PPARGC1A: variants seen among roughly 807,000 people sequenced by gnomAD.
The protein encoded by PPARGC1A is PPARG coactivator 1 alpha.
Under a neutral mutation model 88.7 loss-of-function variants are expected in PPARGC1A, and 25 were observed. The observed-to-expected ratio is 0.28, with a 90% CI of 0.21 to 0.39. The LOEUF (loss-of-function observed/expected upper bound fraction) is 0.39, where lower values mean the gene tolerates loss of function less well. Ranked by LOEUF, PPARGC1A falls within the 10% of genes least tolerant of loss-of-function variation. The pLI, the probability that PPARGC1A is intolerant of heterozygous loss-of-function variation, is 1.00. For synonymous variants in PPARGC1A, 363 were observed against 355.6 expected (o/e 1.02, Z -0.24); for missense variants, 880 against 968.7 (o/e 0.91, Z 1.22).
the PPARGC1A span, among the ~76,000 whole-genome samples, chr4:24,060,575 T>C: frequency 6.6e-6 from 1 of 152,212 alleles, no homozygotes; most frequent in African/African-American, 2.4e-5. Flanking sequence ...ACCCAAGCCT[T>C]GCATTTTAAT....
At chr4:24,133,028 T>C in the PPARGC1A span, among the ~76,000 whole-genome samples, 1 of 152,250 alleles carries the variant, frequency 6.6e-6, no homozygotes, top group East Asian at 1.9e-4. Context: ...CTTTTTGGTC[T>C]AAAAGCAAGA....
chr4:24,217,935 T>C, the PPARGC1A span, among the ~76,000 whole-genome samples: 2 of 152,354 alleles, frequency 1.3e-5, no homozygotes, highest in Admixed American at 6.5e-5. Flanking sequence ...CTAATGTTTC[T>C]ATAAGAAACA....
the PPARGC1A span, chr4:24,091,636 C>A: frequency 1.0e-6 from 1 of 985,302 alleles, no homozygotes; most frequent in Non-Finnish European, 1.2e-6. Context: ...CAGGGGCAGA[C>A]TGTCATGGAG....
chr4:23,873,221 A>AAAAAAAAAAAAAAAAAAAG (rs1297257881), intron 2 of PPARGC1A, among the ~76,000 whole-genome samples: 1 of 142,336 alleles, frequency 7.0e-6, no homozygotes, highest in African/African-American at 2.7e-5. Flanking sequence ...AAAAAATAAA[A>AAAAAAAAAAAAAAAAAAAG]AATAAAGAAA....
At chr4:24,013,293 C>T in the PPARGC1A span, among the ~76,000 whole-genome samples, 17 of 152,144 alleles carry the variant, frequency 1.1e-4, no homozygotes, top group Non-Finnish European at 2.1e-4. Context: ...CCAAGTTCAA[C>T]GTTTGCTAAA....
the PPARGC1A span, among the ~76,000 whole-genome samples, chr4:24,276,523 C>T: frequency 6.6e-6 from 1 of 152,128 alleles, no homozygotes; most frequent in South Asian, 2.1e-4. Context: ...AATACCTTCC[C>T]CAGGTTATTC....
chr4:24,204,555 T>C, the PPARGC1A span, among the ~76,000 whole-genome samples: 1 of 152,028 alleles, frequency 6.6e-6, no homozygotes. Context: ...ATAGTAATTC[T>C]CCTGGAAACT....
chr4:24,167,502 A>G, the PPARGC1A span, among the ~76,000 whole-genome samples: 1 of 152,208 alleles, frequency 6.6e-6, no homozygotes, highest in Non-Finnish European at 1.5e-5. Context: ...TATTGTGTGT[A>G]AAATGTTATC....
intron 2 of PPARGC1A, among the ~76,000 whole-genome samples, chr4:23,863,328 A>T (rs1199843271): frequency 6.6e-6 from 1 of 152,138 alleles, no homozygotes; most frequent in Non-Finnish European, 1.5e-5. Context: ...CTGGTGTCTA[A>T]CAAACCCCAT....
chr4:23,803,965 C>T (rs1286614608), intron 10 of PPARGC1A, among the ~76,000 whole-genome samples: 2 of 152,342 alleles, frequency 1.3e-5, no homozygotes, highest in East Asian at 3.9e-4. Context: ...ACCCGACAAG[C>T]ATTTGTGAAA....
At chr4:23,936,433 A>C in the PPARGC1A span, among the ~76,000 whole-genome samples, 2 of 152,280 alleles carry the variant, frequency 1.3e-5, no homozygotes, top group Middle Eastern at 6.8e-3. Flanking sequence ...AAAGCAGCAG[A>C]GGGAGTCAAG....
chr4:23,928,284 G>A, the PPARGC1A span, among the ~76,000 whole-genome samples: 1 of 152,102 alleles, frequency 6.6e-6, no homozygotes, highest in African/African-American at 2.4e-5. Flanking sequence ...TATATCCTAG[G>A]CTTCTAGGCT....
chr4:23,991,359 T>C, the PPARGC1A span, among the ~76,000 whole-genome samples: 1 of 152,080 alleles, frequency 6.6e-6, no homozygotes, highest in Non-Finnish European at 1.5e-5. Context: ...AAACAATTGA[T>C]TAATCTAGAA....
chr4:24,147,249 T>A, the PPARGC1A span, among the ~76,000 whole-genome samples: 1 of 152,168 alleles, frequency 6.6e-6, no homozygotes, highest in Non-Finnish European at 1.5e-5. Context: ...AATTGTCACA[T>A]AGGCCCTTGG....
chr4:23,963,663 A>G, the PPARGC1A span, among the ~76,000 whole-genome samples: 1 of 152,180 alleles, frequency 6.6e-6, no homozygotes, highest in Non-Finnish European at 1.5e-5. Context: ...GAGAGAAGTC[A>G]GTATGTTTCC....
the PPARGC1A span, among the ~76,000 whole-genome samples, chr4:24,285,784 A>G: frequency 2.0e-5 from 3 of 152,156 alleles, no homozygotes; most frequent in Non-Finnish European, 4.4e-5. Context: ...TGGGTGTACA[A>G]ACTTTTCTCC....
chr4:24,065,333 C>G, the PPARGC1A span, among the ~76,000 whole-genome samples: 34,166 of 151,798 alleles, frequency 0.23, 4,128 homozygotes, highest in African/African-American at 0.25. Context: ...GAACTACATC[C>G]TGTCCTTCAC....
the PPARGC1A span, among the ~76,000 whole-genome samples, chr4:23,958,494 T>C: frequency 6.6e-6 from 1 of 152,154 alleles, no homozygotes; most frequent in Non-Finnish European, 1.5e-5. Flanking sequence ...TTTCTAAAAC[T>C]CTGCTTTATT....
chr4:24,244,808 A>G, the PPARGC1A span, among the ~76,000 whole-genome samples: 2 of 152,218 alleles, frequency 1.3e-5, no homozygotes, highest in African/African-American at 4.8e-5. Context: ...AAACATTAAT[A>G]GAACCGTAGT....
Sources: allele counts gnomAD v4.1 joint callset (sites outside exome capture counted in the v4.1 genomes callset), GRCh38; gene constraint gnomAD v4.1.1; transcripts MANE v1.5; gene names NCBI Gene and HGNC (gene_info 2026-07-23, HGNC 2026-07-21).